The following GPR107 variants were observed in gnomAD, a reference collection of about 807,000 sequenced individuals.
GPR107 encodes G protein-coupled receptor 107.
In GPR107, 31 loss-of-function variants were observed where a neutral mutation model predicts 75.5. That is an observed-to-expected ratio of 0.41 (90% CI 0.31 to 0.55). The LOEUF (loss-of-function observed/expected upper bound fraction) is 0.55, where lower values mean the gene tolerates loss of function less well. Ranked by LOEUF, GPR107 falls within the 20% of genes least tolerant of loss-of-function variation. The pLI, the probability that GPR107 is intolerant of heterozygous loss-of-function variation, is 0.26. For synonymous variants in GPR107, 267 were observed against 251.3 expected (o/e 1.06, Z -0.59); for missense variants, 572 against 665.7 (o/e 0.86, Z 1.55).
At position 130,131,757 on chromosome 9, in the gene GPR107, G is replaced by A. The variant is rs889079392; in HGVS notation, c.1562+2996G>A. Among the ~76,000 whole-genome samples, 9 of 152,170 alleles carry A rather than the reference G, an allele frequency of 5.9e-5. No individual in the cohort carries two copies. In the South Asian group the frequency reaches 8.3e-4, roughly 14 times the overall value. ...GAACCACGTCCCTCTTCCTCAGCCC[G>A]TGCAGAGCGTCCTGTAGGCCTTACT... On this transcript the variant is annotated intron_variant, in intron 17 of 17. Coordinates refer to ENST00000347136, the MANE Select transcript of GPR107 (RefSeq NM_020960.5).
At chr9:130,085,210 A>G (rs532583965) in intron 6 of GPR107, among the ~76,000 whole-genome samples, 1 of 152,280 alleles carries the variant, frequency 6.6e-6, no homozygotes, top group East Asian at 1.9e-4. Context: ...ACCAGGAAGG[A>G]CACAGTTGTG....
At chr9:130,062,145 T>A (rs2132535692) in intron 1 of GPR107, among the ~76,000 whole-genome samples, 1 of 152,156 alleles carries the variant, frequency 6.6e-6, no homozygotes, top group South Asian at 2.1e-4. Flanking sequence ...CTGGGTACGG[T>A]GGCTCACACC....
chr9:130,115,468 T>G (rs768254704), intron 14 of GPR107, among the ~76,000 whole-genome samples: 1 of 133,886 alleles, frequency 7.5e-6, no homozygotes, highest in Non-Finnish European at 1.7e-5. Flanking sequence ...TTGTTTTCTT[T>G]TAAAAAAAAA....
At chr9:130,089,578 G>GT (rs1228671887) in intron 7 of GPR107, among the ~76,000 whole-genome samples, 1 of 151,932 alleles carries the variant, frequency 6.6e-6, no homozygotes, top group Admixed American at 6.6e-5. Flanking sequence ...TTTTTGTTTT[G>GT]TTTTTTTCTC....
intron 1 of GPR107, among the ~76,000 whole-genome samples, chr9:130,068,320 G>A (rs1212051065): frequency 6.6e-6 from 1 of 151,924 alleles, no homozygotes; most frequent in Non-Finnish European, 1.5e-5. Flanking sequence ...ACTGGAACGT[G>A]GCCTACAAGC....
intron 1 of GPR107, among the ~76,000 whole-genome samples, chr9:130,056,649 G>C (rs953895269): frequency 2.0e-5 from 3 of 151,876 alleles, no homozygotes; most frequent in Non-Finnish European, 2.9e-5. Context: ...AATTTGGCTG[G>C]GCGCAGTGGC....
chr9:130,054,371 A>C (rs1829679690), intron 1 of GPR107, among the ~76,000 whole-genome samples: 1 of 152,142 alleles, frequency 6.6e-6, no homozygotes, highest in Non-Finnish European at 1.5e-5. Context: ...GGCTTCCCTG[A>C]ATTCCTCACT....
intron 1 of GPR107, among the ~76,000 whole-genome samples, chr9:130,072,769 AAAAAC>A (rs1039141888): frequency 6.6e-6 from 1 of 152,166 alleles, no homozygotes; most frequent in African/African-American, 2.4e-5. Flanking sequence ...TCTGGAAAAA[AAAAAC>A]AAAACAACAA....
At chr9:130,079,583 A>G (rs1414389502) in intron 4 of GPR107, 47 bp from the exon 5 acceptor site, 1 of 1,579,452 alleles carries the variant, frequency 6.3e-7, no homozygotes, top group Admixed American at 1.7e-5. Flanking sequence ...CTCAGTGGCC[A>G]GGAGCACTGC....
At chr9:130,075,393 C>T (rs562206281) in intron 1 of GPR107, among the ~76,000 whole-genome samples, 123 of 151,646 alleles carry the variant, frequency 8.1e-4, no homozygotes, top group African/African-American at 2.3e-3. Flanking sequence ...TACAGGTGCC[C>T]GCCACCATGC....
At chr9:130,125,498 C>T (rs1589530589) in intron 15 of GPR107, among the ~76,000 whole-genome samples, 1 of 151,692 alleles carries the variant, frequency 6.6e-6, no homozygotes, top group Non-Finnish European at 1.5e-5. Flanking sequence ...CCTCAGTCAC[C>T]TGAGTAGCTG....
chr9:130,109,135 G>A (rs1355264235), intron 14 of GPR107, among the ~76,000 whole-genome samples: 1 of 151,792 alleles, frequency 6.6e-6, no homozygotes, highest in African/African-American at 2.4e-5. Context: ...AAGTAGCTGG[G>A]ATTACAGGCG....
At chr9:130,067,020 A>T (rs1833405380) in intron 1 of GPR107, among the ~76,000 whole-genome samples, 1 of 151,980 alleles carries the variant, frequency 6.6e-6, no homozygotes. Context: ...ATGGCAGCCA[A>T]GAGCTTACTC....
chr9:130,107,336 T>A (rs968415047), intron 13 of GPR107, among the ~76,000 whole-genome samples, 160 bp from the exon 14 acceptor site: 3 of 152,192 alleles, frequency 2.0e-5, no homozygotes, highest in Non-Finnish European at 1.5e-5. Context: ...TATCAACCAT[T>A]TCCCCCCCTC....
At chr9:130,127,703 A>AT (rs200211167) in intron 16 of GPR107, 137 bp downstream of exon 16, 595 of 538,498 alleles carry the variant, frequency 1.1e-3, no homozygotes, top group East Asian at 1.2e-3. Context: ...TTAACTAAAA[A>AT]TTTTTTTTTT....
intron 1 of GPR107, among the ~76,000 whole-genome samples, chr9:130,056,769 CA>C (rs1829799937): frequency 6.7e-6 from 1 of 149,686 alleles, no homozygotes; most frequent in African/African-American, 2.5e-5. Flanking sequence ...ACTAAAAATA[CA>C]AAAAATTAGC....
At chr9:130,095,855 C>T (rs1830854442) in intron 9 of GPR107, among the ~76,000 whole-genome samples, 1 of 152,130 alleles carries the variant, frequency 6.6e-6, no homozygotes, top group Non-Finnish European at 1.5e-5. Context: ...AGGCTGGAAA[C>T]CCACATGATA....
At chr9:130,110,131 C>G (rs976679990) in intron 14 of GPR107, among the ~76,000 whole-genome samples, 2 of 152,124 alleles carry the variant, frequency 1.3e-5, no homozygotes. Flanking sequence ...CTCCATCTTG[C>G]TTTAGCGAGT....
Position 130,109,571 on chromosome 9 carries a change from C to CT in GPR107, c.1306+2047dup, listed in dbSNP as rs869222805. On this transcript the variant is annotated intron_variant, in intron 14 of 17. Transcript: ENST00000347136. The stretch of plus-strand genomic sequence containing the variant: ...TGGTGAACAGGTAGTCTTTTTCTTT[C>CT]TTTTTTTTTTTTTTTGGAGACGAAG... 3.4e-3 allele frequency among the ~76,000 whole-genome samples: 206 copies of CT among 60,478 alleles called. 2 individuals carry two copies. Among genetic ancestry groups the CT allele is most frequent in the African/African-American group, 9.0e-3 (155 of 17,190 alleles). The allele number at this position is 60,478 out of a possible 152,430, so 39.7% of individuals were successfully genotyped here.
Sources: allele counts gnomAD v4.1 joint callset (sites outside exome capture counted in the v4.1 genomes callset), GRCh38; gene constraint gnomAD v4.1.1; transcripts MANE v1.5; gene names NCBI Gene and HGNC (gene_info 2026-07-23, HGNC 2026-07-21).